Variants in DAG1 observed in about 807,000 individuals in gnomAD.
DAG1 encodes the protein dystroglycan 1 (dystrophin-associated glycoprotein 1).
A neutral mutation model predicts 46.1 loss-of-function variants in DAG1; 8 were observed. The observed-to-expected ratio is 0.17, with a 90% CI of 0.10 to 0.31. The LOEUF (loss-of-function observed/expected upper bound fraction) is 0.31, where lower values mean the gene tolerates loss of function less well. Among genes scored for constraint, DAG1 ranks in the 10% least tolerant of loss-of-function variants. The pLI is 1.00. For synonymous variants in DAG1, 495 were observed against 481.8 expected (o/e 1.03, Z -0.36); for missense variants, 1,003 against 1,189.9 (o/e 0.84, Z 2.31).
rs557530005 is a variant in DAG1, at chr3:49,474,686, T to C, written c.-117+4253T>C. Among the ~76,000 whole-genome samples, 10 of 152,262 alleles carry C rather than the reference T, an allele frequency of 6.6e-5. No homozygotes were observed. In the East Asian group the frequency reaches 1.9e-3, roughly 29 times the overall value. On this transcript the variant is annotated intron_variant, in intron 1 of 2. Transcript: ENST00000308775. The stretch of plus-strand genomic sequence containing the variant: ...TTTGTAGAGGTGGGGTTTCTCCATG[T>C]TTCCCAGGCTGGTCTCGAACTTTTG...
intron 1 of DAG1, among the ~76,000 whole-genome samples, chr3:49,499,265 A>G (rs996925233): frequency 2.6e-5 from 4 of 152,178 alleles, no homozygotes; most frequent in Non-Finnish European, 5.9e-5. Flanking sequence ...AGCCGGGTAC[A>G]GTGGCCTGTG....
intron 1 of DAG1, among the ~76,000 whole-genome samples, chr3:49,483,956 G>T (rs2049950405): frequency 1.3e-5 from 2 of 152,276 alleles, no homozygotes; most frequent in South Asian, 4.1e-4. Flanking sequence ...ACCCGGCCCA[G>T]AAGTGTCTTA....
At position 49,479,952 on chromosome 3, in the gene DAG1, C is replaced by CT. The variant is rs1265876485; in HGVS notation, c.-117+9534dup. Among the ~76,000 whole-genome samples the CT allele has an allele frequency of 7.4e-3, 670 of 90,666 alleles. 6 individuals are homozygous for CT. Among genetic ancestry groups the CT allele is most frequent in the African/African-American group, 0.021 (505 of 24,556 alleles). The allele number at this position is 90,666 out of a possible 152,430, so 59.5% of individuals were successfully genotyped here. ...CCCGCGCCAGCCTGAATATAACATT[C>CT]TTTTTTTTTTTTTTTGAGACTGAGT... On this transcript the variant is annotated intron_variant, in intron 1 of 2. Coordinates refer to ENST00000308775, the MANE Select transcript of DAG1 (RefSeq NM_004393.6).
chr3:49,478,431 CAAAAAAT>C (rs1418337906), intron 1 of DAG1, among the ~76,000 whole-genome samples: 45 of 64,898 alleles, frequency 6.9e-4, no homozygotes, highest in Admixed American at 1.4e-3. Context: ...CCTGTCTCTA[CAAAAAAT>C]AAAAAAAAAA....
chr3:49,477,411 C>G (rs538222709), intron 1 of DAG1, among the ~76,000 whole-genome samples: 1 of 152,280 alleles, frequency 6.6e-6, no homozygotes, highest in South Asian at 2.1e-4. Flanking sequence ...CCCACCTTGG[C>G]CTCCCATGTA....
chr3:49,483,217 T>C (rs1367441094), intron 1 of DAG1, among the ~76,000 whole-genome samples: 1 of 150,910 alleles, frequency 6.6e-6, no homozygotes, highest in Non-Finnish European at 1.5e-5. Flanking sequence ...TTTTTTTTTT[T>C]CTTTTGAGAC....
rs192831707 is a variant in DAG1 at position 49,509,824 on chromosome 3, G to A, written c.-116-595G>A. On this transcript the variant is annotated intron_variant, in intron 1 of 2. Transcript: ENST00000308775. The stretch of plus-strand genomic sequence containing the variant: ...GCTCACTGCAACCTCCACCTCCCGG[G>A]TTCAAGTGATTCTCTTGCCTCAGCT... 3.1e-3 allele frequency among the ~76,000 whole-genome samples: 465 copies of A among 152,214 alleles called. 1 individual carries two copies. The highest frequency in any genetic ancestry group is 0.011 in the African/African-American group (440 of 41,536).
intron 1 of DAG1, among the ~76,000 whole-genome samples, chr3:49,471,796 G>A (rs1157339910): frequency 6.6e-6 from 1 of 152,138 alleles, no homozygotes; most frequent in Non-Finnish European, 1.5e-5. Flanking sequence ...TAGATCCTAG[G>A]GACCCATGTA....
In DAG1 at chr3:49,502,469, G is replaced by A. The variant is rs182647920; in HGVS notation, c.-116-7950G>A. On this transcript the variant is annotated intron_variant, in intron 1 of 2. Coordinates refer to ENST00000308775, the MANE Select transcript of DAG1 (RefSeq NM_004393.6). Reference sequence around the variant, plus strand: ...GATGGCAGGGAGGGAAGGTTCCTGCGGAGGAATGGGTCTGAAATCCTGTGA... The same window carrying A: ...GATGGCAGGGAGGGAAGGTTCCTGCAGAGGAATGGGTCTGAAATCCTGTGA... 5.4e-3 allele frequency among the ~76,000 whole-genome samples: 823 copies of A among 152,174 alleles called. 7 individuals are homozygous for A. Among genetic ancestry groups the A allele is most frequent in the African/African-American group, 0.019 (774 of 41,514 alleles).
chr3:49,510,352 G>A, intron 1 of DAG1, 67 bp from the exon 2 acceptor site: 1 of 643,722 alleles, frequency 1.6e-6, no homozygotes, highest in East Asian at 2.7e-5. Flanking sequence ...AGTAACTCCT[G>A]GAGGATAGTA....
At chr3:49,472,916 T>A (rs1462071056) in intron 1 of DAG1, among the ~76,000 whole-genome samples, 4 of 149,062 alleles carry the variant, frequency 2.7e-5, no homozygotes, top group African/African-American at 1.0e-4. Context: ...GGTCAGGAGT[T>A]CAGGACCAGC....
At chr3:49,526,360 T>G (rs2051171334) in intron 2 of DAG1, among the ~76,000 whole-genome samples, 1 of 152,222 alleles carries the variant, frequency 6.6e-6, no homozygotes, top group Middle Eastern at 3.2e-3. Context: ...TGACATGACT[T>G]GCCCCAAAGA....
chr3:49,482,461 C>A (rs1300578604), intron 1 of DAG1, among the ~76,000 whole-genome samples: 2 of 152,136 alleles, frequency 1.3e-5, no homozygotes, highest in Non-Finnish European at 2.9e-5. Flanking sequence ...TTGTTCAATT[C>A]TGAGATAGGA....
intron 1 of DAG1, among the ~76,000 whole-genome samples, chr3:49,508,539 C>T (rs899704791): frequency 6.6e-6 from 1 of 152,132 alleles, no homozygotes; most frequent in Non-Finnish European, 1.5e-5. Context: ...GCTGCGACTT[C>T]AGGCGTGCAC....
chr3:49,491,210 A>G (rs1478577654), intron 1 of DAG1, among the ~76,000 whole-genome samples: 2 of 150,688 alleles, frequency 1.3e-5, no homozygotes, highest in Non-Finnish European at 1.5e-5. Flanking sequence ...GGGTCCCACT[A>G]TGTTGCCGGG....
intron 2 of DAG1, among the ~76,000 whole-genome samples, chr3:49,525,742 T>A: frequency 6.6e-6 from 1 of 151,296 alleles, no homozygotes; most frequent in East Asian, 1.9e-4. Flanking sequence ...TTATTTTTAG[T>A]AGAGACGGGG....
At chr3:49,483,794 C>T (rs1441916868) in intron 1 of DAG1, among the ~76,000 whole-genome samples, 1 of 152,134 alleles carries the variant, frequency 6.6e-6, no homozygotes, top group Admixed American at 6.6e-5. Flanking sequence ...CCCACCTCAG[C>T]CTCCTGAGTA....
chr3:49,478,213 G>T (rs1340346017), intron 1 of DAG1, among the ~76,000 whole-genome samples: 1 of 149,080 alleles, frequency 6.7e-6, no homozygotes, highest in African/African-American at 2.5e-5. Flanking sequence ...GGCAGAGGTT[G>T]CAGTGAGCCG....
intron 1 of DAG1, among the ~76,000 whole-genome samples, chr3:49,502,101 G>A (rs1424241798): frequency 6.6e-6 from 1 of 152,232 alleles, no homozygotes; most frequent in Non-Finnish European, 1.5e-5. Context: ...GAGCCCAGAG[G>A]TTGAGGCTGC....
Sources: gnomAD v4.1 joint callset for allele counts (sites outside exome capture counted in the v4.1 genomes callset) on GRCh38, gnomAD v4.1.1 for gene constraint, MANE v1.5 for transcripts, NCBI Gene and HGNC (gene_info 2026-07-23, HGNC 2026-07-21) for gene names.